The following SSH2 variants were observed in gnomAD, a reference collection of about 807,000 sequenced individuals.
SSH2 encodes slingshot protein phosphatase 2, also known as protein phosphatase Slingshot homolog 2.
SSH2 carries 37 observed loss-of-function variants against 135.2 expected under a neutral mutation model. That is an observed-to-expected ratio of 0.27 (90% CI 0.21 to 0.36). SSH2 has a LOEUF of 0.36. Among genes scored for constraint, SSH2 ranks in the 10% least tolerant of loss-of-function variants. The probability of loss-of-function intolerance (pLI) is 1.00; values close to 1 mark genes in which losing one functional copy is unlikely to be tolerated. For synonymous variants in SSH2, 628 were observed against 646.2 expected (o/e 0.97, Z 0.43); for missense variants, 1,408 against 1,765.3 (o/e 0.80, Z 3.63).
chr17:29,813,704 G>A (rs927057108), intron 2 of SSH2, among the ~76,000 whole-genome samples: 78 of 151,900 alleles, frequency 5.1e-4, no homozygotes, highest in African/African-American at 1.8e-3. Context: ...TGTAATCCCA[G>A]CTACTTGGGA....
At chr17:29,812,058 C>G (rs1038615676) in intron 2 of SSH2, among the ~76,000 whole-genome samples, 1 of 151,576 alleles carries the variant, frequency 6.6e-6, no homozygotes, top group African/African-American at 2.4e-5. Flanking sequence ...CTCTAACCCT[C>G]ATGAAAAATA....
chr17:29,885,608 A>C (rs994810108), intron 1 of SSH2, among the ~76,000 whole-genome samples: 1 of 152,182 alleles, frequency 6.6e-6, no homozygotes, highest in Non-Finnish European at 1.5e-5. Flanking sequence ...ACCAATGACC[A>C]ATGATTTAAT....
At chr17:29,659,020 A>G (rs1485660375) in intron 11 of SSH2, among the ~76,000 whole-genome samples, 1 of 151,934 alleles carries the variant, frequency 6.6e-6, no homozygotes, top group Non-Finnish European at 1.5e-5. Flanking sequence ...CTTCTTACTC[A>G]TATTACCAAT....
chr17:29,760,691 T>A (rs888386673), intron 3 of SSH2, among the ~76,000 whole-genome samples: 1 of 151,704 alleles, frequency 6.6e-6, no homozygotes, highest in South Asian at 2.1e-4. Context: ...CGAAGAATGG[T>A]CCTTCTTTTT....
chr17:29,729,613 T>G (rs1178087087), intron 3 of SSH2, among the ~76,000 whole-genome samples: 2 of 152,214 alleles, frequency 1.3e-5, no homozygotes, highest in African/African-American at 4.8e-5. Context: ...CTACTCACAA[T>G]AGCCAAGATT....
chr17:29,702,986 T>C lies in SSH2; in HGVS notation c.265A>G (p.Ile89Val). ...GCATGCTTGTTCCGTCTGTGGCTGATTCTTGGTGTGGATGAGCCATTTCCC... is the reference window on the plus strand; with the variant it reads ...GCATGCTTGTTCCGTCTGTGGCTGACTCTTGGTGTGGATGAGCCATTTCCC... Reference protein sequence around the residue: ...PRGNGSSTPRISHRRNKHAGD... With the variant: ...PRGNGSSTPRVSHRRNKHAGD... Residue 89 changes from isoleucine to valine, a missense_variant, in exon 4 of 16, where the codon ATC (isoleucine) becomes GTC (valine). Physicochemically the swap from Ile to Val is conservative, Grantham distance 29 (BLOSUM62 3). This residue lies in a region of SSH2 where 222 missense variants were observed against 355.6 expected (regional missense o/e 0.62). Coordinates refer to ENST00000540801, the MANE Select transcript of SSH2 (RefSeq NM_001282129.2). 4 of 1,613,946 alleles carry C rather than the reference T, an allele frequency of 2.5e-6. No homozygotes were observed. The highest frequency in any genetic ancestry group is 2.2e-5 in the East Asian group (1 of 44,868).
chr17:29,683,251 C>G (rs1439751970), intron 6 of SSH2, among the ~76,000 whole-genome samples: 1 of 152,108 alleles, frequency 6.6e-6, no homozygotes, highest in African/African-American at 2.4e-5. Context: ...ATCTGCTTAG[C>G]AGCCACATTC....
intron 2 of SSH2, among the ~76,000 whole-genome samples, chr17:29,813,166 T>A (rs2042478510): frequency 2.0e-5 from 3 of 151,738 alleles, no homozygotes; most frequent in Admixed American, 1.3e-4. Context: ...GTGGATCACT[T>A]GAGGTCAGGA....
In SSH2 at chr17:29,626,440, T is replaced by C. The variant is rs1274196878; in HGVS notation, c.*4401A>G. Reference sequence around the variant, plus strand: ...TTTTAGTTTGGGTATTAGCTCTGCATGTGTACACAGGACGCTGCCACCAGC... The same window carrying C: ...TTTTAGTTTGGGTATTAGCTCTGCACGTGTACACAGGACGCTGCCACCAGC... On this transcript the variant is annotated 3_prime_UTR_variant, in exon 16 of 16. Coordinates refer to ENST00000540801, the MANE Select transcript of SSH2 (RefSeq NM_001282129.2). The C allele has an allele frequency of 1.3e-5, 2 of 152,778 alleles. No homozygotes were observed. The highest frequency in any genetic ancestry group is 1.3e-4 in the Admixed American group (2 of 15,290). 9.5% of individuals were successfully genotyped at this position (152,778 alleles called of 1,614,324 possible).
At chr17:29,761,369 G>A (rs1567956716) in intron 3 of SSH2, 1 of 1,070,304 alleles carries the variant, frequency 9.3e-7, no homozygotes, top group Non-Finnish European at 1.1e-6. Context: ...CGGCGGAGGC[G>A]GGCCCGCCGG....
Position 29,648,260 on chromosome 17 carries a change from T to C in SSH2, c.1311A>G (p.Glu437=). 1 of 1,614,258 alleles carries C rather than the reference T, an allele frequency of 6.2e-7. No individual in the cohort carries two copies. The highest frequency in any genetic ancestry group is 2.2e-5 in the East Asian group (1 of 44,876). Reference sequence around the variant, plus strand: ...AGGCTCGGTCCAGATTCCAGCCATATTCCTTCATTGCATAGGCAATCACGG... The same window carrying C: ...AGGCTCGGTCCAGATTCCAGCCATACTCCTTCATTGCATAGGCAATCACGG... ...ASTVIAYAMK[E]YGWNLDRAYD... Residue 437 remains glutamate (E), a synonymous_variant, in exon 14 of 16, where the codon GAA becomes GAG. Transcript: ENST00000540801.
At chr17:29,893,298 G>C (rs527845548) in intron 1 of SSH2, among the ~76,000 whole-genome samples, 2 of 152,104 alleles carry the variant, frequency 1.3e-5, no homozygotes, top group East Asian at 3.9e-4. Flanking sequence ...AAAAAAAAAG[G>C]GGGGGTGGGG....
intron 3 of SSH2, among the ~76,000 whole-genome samples, chr17:29,765,348 T>G (rs2041419073): frequency 6.6e-6 from 1 of 152,222 alleles, no homozygotes; most frequent in Non-Finnish European, 1.5e-5. Flanking sequence ...TTACTTAGTC[T>G]TTGGCTCAGT....
chr17:29,649,564 AT>A (rs905349059), intron 13 of SSH2, among the ~76,000 whole-genome samples: 11 of 151,542 alleles, frequency 7.3e-5, no homozygotes, highest in South Asian at 4.2e-4. Context: ...TTAAAAAAAA[AT>A]TTTTTTTTGT....
chr17:29,722,685 T>G (rs1235424587), intron 3 of SSH2, among the ~76,000 whole-genome samples: 1 of 152,202 alleles, frequency 6.6e-6, no homozygotes, highest in East Asian at 1.9e-4. Context: ...TTTCTTAAAT[T>G]ATGTTATTAT....
intron 1 of SSH2, among the ~76,000 whole-genome samples, chr17:29,903,123 C>A (rs2066590565): frequency 1.3e-5 from 2 of 151,648 alleles, no homozygotes; most frequent in African/African-American, 4.8e-5. Context: ...GAAGTAGAGG[C>A]TGCAGTGAGC....
chr17:29,674,692 G>A (rs983723052), intron 8 of SSH2, among the ~76,000 whole-genome samples: 1 of 151,986 alleles, frequency 6.6e-6, no homozygotes, highest in Non-Finnish European at 1.5e-5. Flanking sequence ...CTTTTACAGG[G>A]GTGTCCAATT....
At chr17:29,722,532 A>C (rs1298891572) in intron 3 of SSH2, among the ~76,000 whole-genome samples, 3 of 152,226 alleles carry the variant, frequency 2.0e-5, no homozygotes, top group Non-Finnish European at 2.9e-5. Flanking sequence ...GAAGTGGCTA[A>C]ATGACAAAGT....
chr17:29,873,533 T>C (rs1006357532), intron 1 of SSH2, among the ~76,000 whole-genome samples: 4 of 151,692 alleles, frequency 2.6e-5, no homozygotes, highest in Non-Finnish European at 5.9e-5. Flanking sequence ...CACTCCAGCT[T>C]GGGAGACAGA....
Sources: gnomAD v4.1 joint callset for allele counts (sites outside exome capture counted in the v4.1 genomes callset) on GRCh38, gnomAD v4.1.1 for gene constraint, gnomAD v4.1.1 regional missense constraint, MANE v1.5 for transcripts, NCBI Gene and HGNC (gene_info 2026-07-23, HGNC 2026-07-21) for gene names.